The following PALM2AKAP2 variants were observed in gnomAD, a reference collection of about 807,000 sequenced individuals.
PALM2AKAP2 encodes the protein PALM2-AKAP2 fusion protein.
A neutral mutation model predicts 71.5 loss-of-function variants in PALM2AKAP2; 37 were observed. That is an observed-to-expected ratio of 0.52 (90% confidence interval 0.40 to 0.68). PALM2AKAP2 has a LOEUF of 0.68. PALM2AKAP2 is among the 30% of genes least tolerant of loss of function. The probability of loss-of-function intolerance (pLI) is 0.00; values close to 1 mark genes in which losing one functional copy is unlikely to be tolerated. For missense variants in PALM2AKAP2, 1,224 were observed against 1,191.8 expected (o/e 1.03, Z -0.40); for synonymous variants, 468 against 478.8 (o/e 0.98, Z 0.29).
rs949231523 is a variant in PALM2AKAP2 at position 109,735,006 on chromosome 9, C to G, written c.6-45482C>G. The stretch of plus-strand genomic sequence containing the variant: ...AAGAAAACAAATTTCCAGTATGAGA[C>G]TCTCTGGTGGGCCAAGCTGTTTCTC... On this transcript the variant is annotated intron_variant, in intron 1 of 6. Coordinates refer to the PALM2AKAP2 transcript ENST00000374531. Among the ~76,000 whole-genome samples, 13 of 151,976 alleles carry G rather than the reference C, an allele frequency of 8.6e-5. No homozygotes were observed. In the East Asian group the frequency reaches 2.5e-3, roughly 29 times the overall value.
At chr9:110,055,314 G>A (rs1588081517) in intron 1 of PALM2AKAP2, among the ~76,000 whole-genome samples, 1 of 152,126 alleles carries the variant, frequency 6.6e-6, no homozygotes, top group South Asian at 2.1e-4. Context: ...TCCTGCCTCA[G>A]CCTCCTGAGT....
rs539989073 is a variant in PALM2AKAP2 at position 109,931,371 on chromosome 9, T to C, written c.395-556T>C. On this transcript the variant is annotated intron_variant, in intron 5 of 9. Transcript: ENST00000302798. ...CTAGCTGAAACACCAGCCTGCAGTA[T>C]TGAAAACATGAGATCAATTCTGAAG... Among the ~76,000 whole-genome samples, 4 of 152,342 alleles carry C rather than the reference T, an allele frequency of 2.6e-5. No individual in the cohort carries two copies. In the South Asian group the frequency reaches 6.2e-4, roughly 24 times the overall value.
intron 1 of PALM2AKAP2, among the ~76,000 whole-genome samples, chr9:109,782,689 T>C (rs931875148): frequency 6.6e-6 from 1 of 151,918 alleles, no homozygotes; most frequent in African/African-American, 2.4e-5. Flanking sequence ...CTGAGGATAC[T>C]GAGGGATGAC....
intron 1 of PALM2AKAP2, among the ~76,000 whole-genome samples, chr9:110,118,227 T>G (rs7848050): frequency 0.81 from 121,657 of 150,512 alleles, 49,349 homozygotes; most frequent in East Asian, 0.97. Flanking sequence ...ACACACAAAT[T>G]ATATCCTTAT....
intron 1 of PALM2AKAP2, among the ~76,000 whole-genome samples, chr9:109,805,825 T>G (rs896500547): frequency 6.6e-6 from 1 of 152,212 alleles, no homozygotes; most frequent in Non-Finnish European, 1.5e-5. Flanking sequence ...TTTGCTAAAA[T>G]ATTTCCCCAA....
intron 2 of PALM2AKAP2, among the ~76,000 whole-genome samples, chr9:110,151,494 C>T (rs1368983514): frequency 6.6e-6 from 1 of 152,220 alleles, no homozygotes; most frequent in Non-Finnish European, 1.5e-5. Context: ...AAACAAATCC[C>T]TCTCTCCCTC....
chr9:109,887,985 T>C (rs1440809805), intron 3 of PALM2AKAP2, among the ~76,000 whole-genome samples: 1 of 152,106 alleles, frequency 6.6e-6, no homozygotes, highest in Non-Finnish European at 1.5e-5. Context: ...ACTCTGGAGG[T>C]GCCGGTCTTC....
chr9:109,739,277 A>G (rs918521738), intron 1 of PALM2AKAP2, among the ~76,000 whole-genome samples: 4 of 152,230 alleles, frequency 2.6e-5, no homozygotes, highest in African/African-American at 9.6e-5. Context: ...ACAGGTTGTT[A>G]TATTCATTTA....
chr9:110,054,026 C>G (rs773272822), intron 1 of PALM2AKAP2, among the ~76,000 whole-genome samples: 4 of 152,234 alleles, frequency 2.6e-5, no homozygotes, highest in Non-Finnish European at 5.9e-5. Context: ...ATGGCCAAAG[C>G]ACCCTAGTGC....
At chr9:109,820,063 AC>A (rs1827956509) in intron 1 of PALM2AKAP2, among the ~76,000 whole-genome samples, 1 of 152,212 alleles carries the variant, frequency 6.6e-6, no homozygotes, top group South Asian at 2.1e-4. Context: ...AAGAAAATAG[AC>A]TTACACATAC....
chr9:109,736,609 A>G (rs750501508), intron 1 of PALM2AKAP2, among the ~76,000 whole-genome samples: 1 of 151,654 alleles, frequency 6.6e-6, no homozygotes, highest in African/African-American at 2.4e-5. Flanking sequence ...TTTATTTTTA[A>G]GTTTTTATGT....
At chr9:109,879,675 A>C (rs1383341296) in intron 2 of PALM2AKAP2, among the ~76,000 whole-genome samples, 1 of 150,274 alleles carries the variant, frequency 6.7e-6, no homozygotes, top group Non-Finnish European at 1.5e-5. Flanking sequence ...GTATCGTAGT[A>C]CACTTGCAAA....
chr9:109,699,774 A>AT (rs1465611242), intron 1 of PALM2AKAP2, among the ~76,000 whole-genome samples: 2 of 61,946 alleles, frequency 3.2e-5, no homozygotes, highest in Non-Finnish European at 6.0e-5. Flanking sequence ...CATTACCTTT[A>AT]TTTATTTTTT....
chr9:109,791,651 A>G (rs1564150386), intron 1 of PALM2AKAP2, among the ~76,000 whole-genome samples: 1 of 152,122 alleles, frequency 6.6e-6, no homozygotes, highest in African/African-American at 2.4e-5. Flanking sequence ...GCCTTATGTT[A>G]GGGGGGTGAG....
chr9:110,080,967 C>A (rs1265388105), intron 1 of PALM2AKAP2, among the ~76,000 whole-genome samples: 1 of 152,232 alleles, frequency 6.6e-6, no homozygotes, highest in Admixed American at 6.5e-5. Context: ...AGACGTGAGG[C>A]ACTGCGCCCA....
rs117478343 is a variant in PALM2AKAP2, at chr9:110,084,534, T to A, written c.156+35679T>A. 7.2e-3 allele frequency among the ~76,000 whole-genome samples: 1,099 copies of A among 152,338 alleles called. 9 individuals carry two copies. The highest frequency in any genetic ancestry group is 0.032 in the South Asian group (152 of 4,820). On this transcript the variant is annotated intron_variant, in intron 1 of 3. Coordinates refer to ENST00000374525, the Ensembl canonical transcript of PALM2AKAP2. Reference sequence around the variant, plus strand: ...GGTTGGTTCCAGGAGCTTCCTCAGATACCCAAATCTACAGATGGTCCTTAA... The same window carrying A: ...GGTTGGTTCCAGGAGCTTCCTCAGAAACCCAAATCTACAGATGGTCCTTAA...
At chr9:110,070,386 G>A (rs1324484898) in intron 1 of PALM2AKAP2, among the ~76,000 whole-genome samples, 1 of 151,982 alleles carries the variant, frequency 6.6e-6, no homozygotes, top group Non-Finnish European at 1.5e-5. Context: ...AAAGAACAAT[G>A]ACTATTTTAA....
At position 110,138,004 on chromosome 9, in the gene PALM2AKAP2, TG is replaced by T; in HGVS notation, c.2035del (p.Val679CysfsTer18). 1 of 1,613,972 alleles carries T rather than the reference TG, an allele frequency of 6.2e-7. No homozygotes were observed. The highest frequency in any genetic ancestry group is 1.1e-5 in the South Asian group (1 of 91,054). On this transcript the variant is annotated frameshift_variant, in exon 2 of 4. Coordinates refer to ENST00000374525, the Ensembl canonical transcript of PALM2AKAP2. LOFTEE classifies it high-confidence loss of function. ...CCATAGCCGAGCAGGTGGATAAAGC[TG>T]TGTCCAAAACCAGCAGGGATGGAGC...
At chr9:109,722,497 C>G (rs557475798) in intron 1 of PALM2AKAP2, among the ~76,000 whole-genome samples, 74 of 152,202 alleles carry the variant, frequency 4.9e-4, no homozygotes, top group Middle Eastern at 3.4e-3. Flanking sequence ...AGGAGCTAGG[C>G]GAGATGCCTC....
Sources: allele counts gnomAD v4.1 joint callset (sites outside exome capture counted in the v4.1 genomes callset), GRCh38; gene constraint gnomAD v4.1.1; transcripts MANE v1.5; gene names NCBI Gene and HGNC (gene_info 2026-07-23, HGNC 2026-07-21).